Variants in GATA4 observed in about 807,000 individuals in gnomAD.
GATA4 encodes the protein transcription factor GATA-4.
In GATA4, 7 loss-of-function variants were observed where a neutral mutation model predicts 37.9. The ratio of observed to expected loss-of-function variants is 0.18; its 90% CI spans 0.11 to 0.35. The LOEUF is 0.35. Ranked by LOEUF, GATA4 falls within the 10% of genes least tolerant of loss-of-function variation. GATA4 has a pLI of 1.00. For missense variants in GATA4, 647 were observed against 653.0 expected (o/e 0.99, Z 0.10); for synonymous variants, 372 against 292.6 (o/e 1.27, Z -2.77).
At chr8:11,704,898 G>C (rs1799823834) in intron 1 of GATA4, among the ~76,000 whole-genome samples, 2 of 152,346 alleles carry the variant, frequency 1.3e-5, no homozygotes, top group African/African-American at 4.8e-5. Flanking sequence ...GGGACTGAAT[G>C]CTCCTCTGGA....
intron 2 of GATA4, among the ~76,000 whole-genome samples, chr8:11,726,073 G>T (rs1046782812): frequency 6.6e-6 from 1 of 152,192 alleles, no homozygotes; most frequent in Non-Finnish European, 1.5e-5. Context: ...TCTGGGGTCC[G>T]GAATACCATC....
upstream of GATA4, among the ~76,000 whole-genome samples, chr8:11,689,254 G>A (rs1236122413): frequency 6.6e-6 from 1 of 152,180 alleles, no homozygotes; most frequent in Non-Finnish European, 1.5e-5. Context: ...AAAAGAAATG[G>A]GAAGACATTC....
At chr8:11,710,578 T>G (rs571226572) in intron 2 of GATA4, among the ~76,000 whole-genome samples, 1 of 145,990 alleles carries the variant, frequency 6.8e-6, no homozygotes, top group Non-Finnish European at 1.5e-5. Context: ...TAGTCTCAGC[T>G]ACTGGGGAAG....
intron 2 of GATA4, among the ~76,000 whole-genome samples, chr8:11,722,815 G>C (rs922394276): frequency 6.6e-6 from 1 of 152,176 alleles, no homozygotes; most frequent in Non-Finnish European, 1.5e-5. Context: ...ATTGCTAATG[G>C]TAATATTCTA....
intron 2 of GATA4, among the ~76,000 whole-genome samples, chr8:11,732,898 A>C (rs536273570): frequency 2.0e-5 from 3 of 152,320 alleles, no homozygotes; most frequent in Non-Finnish European, 2.9e-5. Flanking sequence ...GGAGGGAAAG[A>C]CTTCGAGAGC....
At chr8:11,752,564 C>G (rs1802356278) in intron 4 of GATA4, among the ~76,000 whole-genome samples, 1 of 152,196 alleles carries the variant, frequency 6.6e-6, no homozygotes, top group Non-Finnish European at 1.5e-5. Flanking sequence ...GGTCCCACAA[C>G]ATGTGGGAAT....
chr8:11,752,607 T>G (rs1802357983), intron 4 of GATA4, among the ~76,000 whole-genome samples: 1 of 152,188 alleles, frequency 6.6e-6, no homozygotes, highest in African/African-American at 2.4e-5. Flanking sequence ...GAGATTTTGG[T>G]GGGGACACAG....
chr8:11,704,534 C>G (rs777385382), intron 1 of GATA4, among the ~76,000 whole-genome samples: 8 of 152,242 alleles, frequency 5.3e-5, no homozygotes, highest in African/African-American at 1.9e-4. Flanking sequence ...ATTGGAAGCG[C>G]CTTTGGATTC....
chr8:11,756,873 GCTGCCGGCTGTTCGTTTGTCC>G, intron 5 of GATA4, 41 bp from the exon 6 acceptor site: 1 of 1,611,320 alleles, frequency 6.2e-7, no homozygotes, highest in Non-Finnish European at 8.5e-7. Flanking sequence ...TGTCTCGCAG[GCTGCCGGCTGTTCGTTTGTCC>G]CTGCCGCTGA....
chr8:11,718,990 T>A (rs1800552891), intron 2 of GATA4, among the ~76,000 whole-genome samples: 1 of 152,218 alleles, frequency 6.6e-6, no homozygotes, highest in Admixed American at 6.5e-5. Context: ...AACAACTCAA[T>A]TTGGTTGCTT....
rs892223601 is a variant in GATA4, at chr8:11,709,119, C to G, written c.616+191C>G. Among the ~76,000 whole-genome samples, 1 of 152,148 alleles carries G rather than the reference C, an allele frequency of 6.6e-6. No individual in the cohort carries two copies. The highest frequency in any genetic ancestry group is 2.4e-5 in the African/African-American group (1 of 41,438). On this transcript the variant is annotated intron_variant, in intron 2 of 6. Coordinates refer to ENST00000532059, the MANE Select transcript of GATA4 (RefSeq NM_001308093.3). This position sits in a 1 kb window ranked among gnomAD's most constrained non-coding sequence, Gnocchi z 4.3. ...CATCACAGCCCCAGAAGACCGGCTT[C>G]TGTGGAAGGGGCCGGGCCTGCCCGC...
At chr8:11,736,113 G>T (rs1400053849) in intron 2 of GATA4, among the ~76,000 whole-genome samples, 1 of 151,540 alleles carries the variant, frequency 6.6e-6, no homozygotes, top group Non-Finnish European at 1.5e-5. Context: ...GTGTTACTAT[G>T]TTGCCCAGGC....
At chr8:11,742,796 G>C (rs947409459) in intron 2 of GATA4, among the ~76,000 whole-genome samples, 3 of 152,260 alleles carry the variant, frequency 2.0e-5, no homozygotes, top group African/African-American at 7.2e-5. Context: ...GCCAGCCGCA[G>C]GGACAGATCC....
intron 6 of GATA4, among the ~76,000 whole-genome samples, chr8:11,757,511 G>A (rs753656968): frequency 6.6e-6 from 1 of 152,222 alleles, no homozygotes; most frequent in African/African-American, 2.4e-5. Flanking sequence ...GCCGAGCGGA[G>A]GTTCTCTAGG....
intron 1 of GATA4, among the ~76,000 whole-genome samples, chr8:11,679,179 C>T (rs28468438): frequency 8.3e-6 from 1 of 120,802 alleles, no homozygotes; most frequent in Non-Finnish European, 1.7e-5. Flanking sequence ...CGAATAATTG[C>T]GGGGGGGGGC....
chr8:11,714,124 G>A (rs1278593064), intron 2 of GATA4, among the ~76,000 whole-genome samples: 1 of 152,238 alleles, frequency 6.6e-6, no homozygotes, highest in African/African-American at 2.4e-5. Flanking sequence ...GGTGTTACTG[G>A]AAAGGCTAGG....
At chr8:11,748,780 G>C (rs1272175078) in intron 2 of GATA4, 136 bp from the exon 3 acceptor site, 1 of 966,594 alleles carries the variant, frequency 1.0e-6, no homozygotes, top group Non-Finnish European at 1.7e-6. Flanking sequence ...GGAAGAGCAA[G>C]AGCAGCCCGA....
chr8:11,694,723 C>T (rs1436820221), intron 1 of GATA4, among the ~76,000 whole-genome samples: 1 of 152,110 alleles, frequency 6.6e-6, no homozygotes, highest in Non-Finnish European at 1.5e-5. Context: ...AATCAGTGAC[C>T]AGTGGGTGTC....
intron 1 of GATA4, chr8:11,680,899 C>T (rs1268632341): frequency 2.0e-6 from 2 of 985,242 alleles, no homozygotes; most frequent in Non-Finnish European, 2.4e-6. Flanking sequence ...TGTGAGACCC[C>T]TAAAGAGGCC....
Sources: allele counts gnomAD v4.1 joint callset (sites outside exome capture counted in the v4.1 genomes callset), GRCh38; gene constraint gnomAD v4.1.1; non-coding constraint Gnocchi (gnomAD v3.1); transcripts MANE v1.5; gene names NCBI Gene and HGNC (gene_info 2026-07-23, HGNC 2026-07-21).